The following KIF25 variants were observed in gnomAD, a reference collection of about 807,000 sequenced individuals.
KIF25 encodes kinesin-like protein KIF25.
In KIF25, 19 loss-of-function variants were observed where a neutral mutation model predicts 32.9. That is an observed-to-expected ratio of 0.58 (90% confidence interval 0.40 to 0.85). KIF25 has a LOEUF of 0.85. KIF25 is among the 40% of genes least tolerant of loss of function. KIF25 has a pLI of 0.00. For synonymous variants in KIF25, 225 were observed against 213.7 expected (o/e 1.05, Z -0.46); for missense variants, 485 against 507.0 (o/e 0.96, Z 0.42).
chr6:168,034,048 T>C lies in KIF25; in HGVS notation c.317+17T>C, dbSNP rs758225584. 32 of 1,613,438 alleles carry C rather than the reference T, an allele frequency of 2.0e-5. No individual in the cohort carries two copies. Among genetic ancestry groups the C allele is most frequent in the Non-Finnish European group, 2.7e-5 (32 of 1,179,506 alleles). ...GCTCTTCAGGTACTGCCGATGGTGA[T>C]GAGTGGGGCAGAGAAATATGGCAGG... On this transcript the variant is annotated intron_variant, in intron 8 of 12. Transcript: ENST00000643607.
intron 5 of KIF25, among the ~76,000 whole-genome samples, chr6:168,020,066 G>A (rs1356502971): frequency 6.6e-6 from 1 of 152,162 alleles, no homozygotes; most frequent in Non-Finnish European, 1.5e-5. Context: ...AAGATGTGGA[G>A]GTTGCAGTGA....
At chr6:168,042,181 G>T in intron 11 of KIF25, 30 bp downstream of exon 11, 5 of 1,540,884 alleles carry the variant, frequency 3.2e-6, no homozygotes, top group Non-Finnish European at 4.4e-6. Context: ...TCCCTGGGGG[G>T]TGGGTGCTGC....
At position 168,001,983 on chromosome 6, in the gene KIF25, C is replaced by T. The variant is rs113377037; in HGVS notation, c.-369-560C>T. Reference sequence around the variant, plus strand: ...GGGCAGGTGAGAAGACACCTTCAGGCGTAGCCTCAGGCAGGTGAGAAAGAC... The same window carrying T: ...GGGCAGGTGAGAAGACACCTTCAGGTGTAGCCTCAGGCAGGTGAGAAAGAC... On this transcript the variant is annotated intron_variant, in intron 2 of 12. Transcript: ENST00000643607. Among the ~76,000 whole-genome samples the T allele has an allele frequency of 2.5e-3, 311 of 123,436 alleles. 1 individual carries two copies. Among genetic ancestry groups the T allele is most frequent in the African/African-American group, 6.3e-3 (200 of 31,786 alleles). 81.0% of individuals were successfully genotyped at this position (123,436 alleles called of 152,430 possible).
chr6:168,011,567 T>G (rs540089707), intron 4 of KIF25, among the ~76,000 whole-genome samples: 1 of 152,356 alleles, frequency 6.6e-6, no homozygotes, highest in African/African-American at 2.4e-5. Flanking sequence ...AAATCCACTG[T>G]TGGTTTAATG....
rs182006875 is a variant in KIF25, at chr6:168,044,401, T to C, written c.986-426T>C. On this transcript the variant is annotated intron_variant, in intron 12 of 12. Coordinates refer to ENST00000643607, the MANE Select transcript of KIF25 (RefSeq NM_030615.4). The stretch of plus-strand genomic sequence containing the variant: ...GTGAGGGACGCTAGTGACCGGCTGC[T>C]GACCCTCCCGGACCCGGGTGAGGGG... Among the ~76,000 whole-genome samples the C allele has an allele frequency of 5.0e-3, 610 of 122,132 alleles. 52 individuals carry two copies. Among genetic ancestry groups the C allele is most frequent in the Admixed American group, 0.041 (514 of 12,498 alleles). The allele number at this position is 122,132 out of a possible 152,430, so 80.1% of individuals were successfully genotyped here. A position where few individuals can be genotyped will look rare whatever the true frequency, so the allele number is the denominator to read the frequency against.
At chr6:168,018,987 CCT>C (rs2114883201) in intron 5 of KIF25, among the ~76,000 whole-genome samples, 1 of 152,354 alleles carries the variant, frequency 6.6e-6, no homozygotes, top group East Asian at 1.9e-4. Context: ...CTCACACAGG[CCT>C]GGGAATTGTG....
At chr6:168,042,225 A>G in intron 11 of KIF25, 74 bp downstream of exon 11, 1 of 1,424,822 alleles carries the variant, frequency 7.0e-7, no homozygotes, top group Non-Finnish European at 9.5e-7. Flanking sequence ...TGGATGTGCA[A>G]CCAGGCAGCC....
chr6:167,999,254 T>G lies in KIF25; in HGVS notation c.-436T>G, dbSNP rs938483093. ...CAGGAGCTGAAACGAAATATCAGAG[T>G]TCACTGTCGGATTCGTCCTTTGTTG... is the stretch of plus-strand genomic sequence containing the variant. On this transcript the variant is annotated 5_prime_UTR_variant, in exon 2 of 13. Coordinates refer to ENST00000643607, the MANE Select transcript of KIF25 (RefSeq NM_030615.4). 7 of 152,142 alleles carry G rather than the reference T, an allele frequency of 4.6e-5. No individual in the cohort carries two copies. The highest frequency in any genetic ancestry group is 1.0e-4 in the Non-Finnish European group (7 of 68,052). The allele number at this position is 152,142 out of a possible 1,614,324, so 9.4% of individuals were successfully genotyped here.
intron 9 of KIF25, 125 bp downstream of exon 9, chr6:168,038,854 C>A (rs1031386381): frequency 7.4e-6 from 7 of 948,260 alleles, no homozygotes; most frequent in African/African-American, 1.7e-5. Flanking sequence ...CAAGGAGAAT[C>A]GGCCGTGGTG....
intron 4 of KIF25, among the ~76,000 whole-genome samples, chr6:168,007,886 A>G (rs1027190886): frequency 6.6e-6 from 1 of 152,216 alleles, no homozygotes; most frequent in Non-Finnish European, 1.5e-5. Flanking sequence ...TAGTTGATAA[A>G]GAAGCATCTA....
At chr6:168,017,311 G>A (rs555832201) in intron 4 of KIF25, among the ~76,000 whole-genome samples, 4 of 152,314 alleles carry the variant, frequency 2.6e-5, no homozygotes, top group African/African-American at 9.6e-5. Context: ...CACTGCAGTT[G>A]TGGTTTTCAT....
intron 8 of KIF25, among the ~76,000 whole-genome samples, chr6:168,037,410 A>G (rs74821902): frequency 0.012 from 1,821 of 152,286 alleles, 46 homozygotes; most frequent in African/African-American, 0.042. Context: ...CCCGGTTCTC[A>G]GAATAGCCTT....
chr6:168,024,682 A>G (rs148834865), intron 5 of KIF25, among the ~76,000 whole-genome samples: 1,604 of 152,198 alleles, frequency 0.011, 38 homozygotes, highest in African/African-American at 0.036. Context: ...GGGGCCGGGC[A>G]CGGTGGCTCA....
Position 168,038,610 on chromosome 6 carries a change from T to C in KIF25, c.375T>C (p.Val125=). 1 of 1,614,148 alleles carries C rather than the reference T, an allele frequency of 6.2e-7. No individual in the cohort carries two copies. The change falls in exon 9 of 13, where the codon GTT becomes GTC. Residue 125 remains valine (V), a synonymous_variant. Coordinates refer to ENST00000643607, the MANE Select transcript of KIF25 (RefSeq NM_030615.4). ...SPKVEVSIVE[V]YNNDIFDLLA... ...AGGTTGAAGTCTCCATAGTGGAAGT[T>C]TACAATAATGACATTTTTGACCTTC... is the stretch of plus-strand genomic sequence containing the variant.
intron 4 of KIF25, among the ~76,000 whole-genome samples, chr6:168,010,715 G>A (rs1296391178): frequency 6.6e-6 from 1 of 151,878 alleles, no homozygotes; most frequent in Non-Finnish European, 1.5e-5. Context: ...GCTGAGAGTG[G>A]GGTGTTGAAG....
intron 6 of KIF25, chr6:168,030,556 G>T: frequency 3.8e-6 from 1 of 260,930 alleles, no homozygotes; most frequent in Non-Finnish European, 7.2e-6. Context: ...CTTCATTTAT[G>T]CTTATTACAT....
intron 4 of KIF25, among the ~76,000 whole-genome samples, chr6:168,007,959 C>T (rs549487219): frequency 5.3e-5 from 8 of 152,338 alleles, no homozygotes; most frequent in African/African-American, 1.9e-4. Flanking sequence ...TGTGGGCCCA[C>T]AGGCCCTACT....
chr6:168,018,838 C>T (rs981065081), intron 5 of KIF25, among the ~76,000 whole-genome samples: 4 of 152,168 alleles, frequency 2.6e-5, no homozygotes, highest in South Asian at 4.2e-4. Context: ...CAGCCTGTGT[C>T]GCTCGATAGG....
At chr6:168,007,115 G>C (rs1409890802) in intron 4 of KIF25, among the ~76,000 whole-genome samples, 1 of 152,162 alleles carries the variant, frequency 6.6e-6, no homozygotes, top group African/African-American at 2.4e-5. Context: ...GACACATGTG[G>C]TAATCAGTTT....
Sources: allele counts gnomAD v4.1 joint callset (sites outside exome capture counted in the v4.1 genomes callset), GRCh38; gene constraint gnomAD v4.1.1; transcripts MANE v1.5; gene names NCBI Gene and HGNC (gene_info 2026-07-23, HGNC 2026-07-21).